The following MAF variants were observed in gnomAD, a reference collection of about 807,000 sequenced individuals.
MAF encodes the protein MAF bZIP transcription factor.
A neutral mutation model predicts 22.0 loss-of-function variants in MAF; 10 were observed. The ratio of observed to expected loss-of-function variants is 0.45; its 90% CI spans 0.28 to 0.77. The LOEUF is 0.77. Among genes scored for constraint, MAF ranks in the 30% least tolerant of loss-of-function variants. The probability of loss-of-function intolerance (pLI) is 0.12; values close to 1 mark genes in which losing one functional copy is unlikely to be tolerated. For missense variants in MAF, 544 were observed against 548.4 expected (o/e 0.99, Z 0.08); for synonymous variants, 337 against 255.8 (o/e 1.32, Z -3.03).
At chr16:79,241,605 T>C in the MAF span, among the ~76,000 whole-genome samples, 1 of 152,028 alleles carries the variant, frequency 6.6e-6, no homozygotes, top group Non-Finnish European at 1.5e-5. Flanking sequence ...TGGAACCAAG[T>C]TGGAAAACAC....
chr16:79,484,310 C>G, the MAF span, among the ~76,000 whole-genome samples: 1 of 152,166 alleles, frequency 6.6e-6, no homozygotes, highest in Non-Finnish European at 1.5e-5. Context: ...GACAATGCCT[C>G]CCAACTTGGA....
At chr16:79,548,524 T>C in the MAF span, among the ~76,000 whole-genome samples, 1 of 152,242 alleles carries the variant, frequency 6.6e-6, no homozygotes, top group Non-Finnish European at 1.5e-5. Context: ...GAAACAATTC[T>C]ACAAGAAAGT....
At chr16:79,455,488 C>G in the MAF span, among the ~76,000 whole-genome samples, 3 of 152,036 alleles carry the variant, frequency 2.0e-5, no homozygotes, top group African/African-American at 7.3e-5. Flanking sequence ...GATTGAGAAG[C>G]GCACAAATGG....
At chr16:79,309,807 T>A in the MAF span, among the ~76,000 whole-genome samples, 2 of 152,224 alleles carry the variant, frequency 1.3e-5, no homozygotes, top group Non-Finnish European at 2.9e-5. Flanking sequence ...GAAGAGCAAA[T>A]TGAGAAAACT....
chr16:79,484,918 G>C, the MAF span, among the ~76,000 whole-genome samples: 1 of 152,228 alleles, frequency 6.6e-6, no homozygotes, highest in Non-Finnish European at 1.5e-5. Flanking sequence ...ACAGGATTTA[G>C]AACCAGGCAG....
the MAF span, among the ~76,000 whole-genome samples, chr16:79,465,023 A>G: frequency 6.6e-6 from 1 of 152,246 alleles, no homozygotes; most frequent in Non-Finnish European, 1.5e-5. Context: ...GTGGATAGTC[A>G]TCCAGATCTC....
chr16:79,577,883 T>C, the MAF span, among the ~76,000 whole-genome samples: 2 of 152,298 alleles, frequency 1.3e-5, no homozygotes, highest in Non-Finnish European at 2.9e-5. Context: ...CGACCCCTTT[T>C]TCTACATTTT....
chr16:79,408,503 C>G, the MAF span, among the ~76,000 whole-genome samples: 1 of 152,160 alleles, frequency 6.6e-6, no homozygotes, highest in Non-Finnish European at 1.5e-5. Flanking sequence ...CTTATTATCT[C>G]ATTGACTTTT....
the MAF span, among the ~76,000 whole-genome samples, chr16:79,213,346 C>T: frequency 1.3e-5 from 2 of 152,216 alleles, no homozygotes; most frequent in African/African-American, 4.8e-5. Flanking sequence ...TTGCCACATC[C>T]TCCCATCTGG....
At chr16:79,594,696 TAGG>T (rs779966516) in intron 1 of MAF, 143 bp from the exon 2 acceptor site, 5 of 1,454,176 alleles carry the variant, frequency 3.4e-6, no homozygotes, top group Middle Eastern at 2.3e-4. Context: ...ACTCAGGATT[TAGG>T]AGTTCTTTGT....
the MAF span, among the ~76,000 whole-genome samples, chr16:79,382,081 G>T: frequency 6.6e-6 from 1 of 152,066 alleles, no homozygotes. Context: ...TTCTTACAGG[G>T]GAGCTTTCAA....
the MAF span, among the ~76,000 whole-genome samples, chr16:79,353,899 A>T: frequency 1.3e-5 from 2 of 152,110 alleles, no homozygotes; most frequent in Non-Finnish European, 2.9e-5. Flanking sequence ...TAGACCCACA[A>T]ACCTTTCTGG....
chr16:79,502,724 T>TATAAATATAA, the MAF span, among the ~76,000 whole-genome samples: 6,802 of 94,724 alleles, frequency 0.072, 495 homozygotes, highest in Admixed American at 0.16. Flanking sequence ...TATATATATA[T>TATAAATATAA]ATATATATAT....
the MAF span, among the ~76,000 whole-genome samples, chr16:79,345,510 T>G: frequency 6.6e-6 from 1 of 152,004 alleles, no homozygotes; most frequent in Admixed American, 6.6e-5. Context: ...GGTGGATTAC[T>G]TGAGGTCAGG....
chr16:79,440,254 T>A, the MAF span, among the ~76,000 whole-genome samples: 1 of 152,172 alleles, frequency 6.6e-6, no homozygotes, highest in Non-Finnish European at 1.5e-5. Flanking sequence ...CCCCAGCACA[T>A]GCTGCCTTGA....
the MAF span, among the ~76,000 whole-genome samples, chr16:79,262,434 C>T: frequency 1.3e-3 from 194 of 152,296 alleles, no homozygotes; most frequent in African/African-American, 4.4e-3. Flanking sequence ...GTTTTTGTGG[C>T]TAGATGCTCT....
rs1395896119 is a variant in MAF, at chr16:79,586,407, C to CT, written c.1119-467dup. On this transcript the variant is annotated intron_variant, in intron 1 of 1. Coordinates refer to the MAF transcript ENST00000569649. Reference sequence around the variant, plus strand: ...TGTGCTAGGGTTCCTTCTCTTCCATCTGCCCCCACCTCCTCTGTTGCTTTG... The same window carrying CT: ...TGTGCTAGGGTTCCTTCTCTTCCATCTTGCCCCCACCTCCTCTGTTGCTTTG... Among the ~76,000 whole-genome samples, 9 of 152,228 alleles carry CT rather than the reference C, an allele frequency of 5.9e-5. 1 individual carries two copies. Among genetic ancestry groups the CT allele is most frequent in the Admixed American group, 3.9e-4 (6 of 15,282 alleles).
At chr16:79,260,122 A>G in the MAF span, among the ~76,000 whole-genome samples, 2 of 152,100 alleles carry the variant, frequency 1.3e-5, no homozygotes, top group East Asian at 1.9e-4. Context: ...TAACAACTCC[A>G]TACACTTGAC....
At chr16:79,329,011 T>C in the MAF span, among the ~76,000 whole-genome samples, 2 of 152,130 alleles carry the variant, frequency 1.3e-5, no homozygotes, top group African/African-American at 2.4e-5. Flanking sequence ...ATGAAGGAGC[T>C]GTTTTGCAAG....
Sources: gnomAD v4.1 joint callset for allele counts (sites outside exome capture counted in the v4.1 genomes callset) on GRCh38, gnomAD v4.1.1 for gene constraint, MANE v1.5 for transcripts, NCBI Gene and HGNC (gene_info 2026-07-23, HGNC 2026-07-21) for gene names.